The following CHL1 variants were observed in gnomAD, a reference collection of about 807,000 sequenced individuals.
The protein encoded by CHL1 is cell adhesion molecule L1 like.
Under a neutral mutation model 141.9 loss-of-function variants are expected in CHL1, and 96 were observed. The observed-to-expected ratio is 0.68, with a 90% confidence interval of 0.57 to 0.80. The LOEUF is 0.80. Among genes scored for constraint, CHL1 ranks in the 30% least tolerant of loss-of-function variants. The pLI, the probability that CHL1 is intolerant of heterozygous loss-of-function variation, is 0.00. For synonymous variants in CHL1, 613 were observed against 502.2 expected (o/e 1.22, Z -2.95); for missense variants, 1,820 against 1,457.2 (o/e 1.25, Z -4.05).
chr3:207,873 G>C (rs1699575245), intron 1 of CHL1, among the ~76,000 whole-genome samples: 2 of 152,198 alleles, frequency 1.3e-5, no homozygotes, highest in South Asian at 4.1e-4. Flanking sequence ...GAACACAATT[G>C]ATTTGCTTGA....
chr3:286,928 G>A (rs1697210363), intron 2 of CHL1, among the ~76,000 whole-genome samples: 1 of 152,096 alleles, frequency 6.6e-6, no homozygotes, highest in Non-Finnish European at 1.5e-5. Flanking sequence ...ACCACCAGAG[G>A]TCACTTTCAT....
At chr3:218,614 GTTC>G (rs1409341958) in intron 1 of CHL1, among the ~76,000 whole-genome samples, 1 of 152,126 alleles carries the variant, frequency 6.6e-6, no homozygotes, top group Non-Finnish European at 1.5e-5. Flanking sequence ...TGCTAAATGT[GTTC>G]TTCTTCTATA....
chr3:377,969 T>C (rs960937550), intron 16 of CHL1, 27 bp downstream of exon 16: 1 of 1,574,558 alleles, frequency 6.4e-7, no homozygotes, highest in Non-Finnish European at 8.6e-7. Context: ...ATGAGAAATC[T>C]GTTCATTTCT....
intron 22 of CHL1, 66 bp from the exon 23 acceptor site, chr3:391,604 TTATAA>T (rs2125447122): frequency 9.6e-7 from 1 of 1,038,222 alleles, no homozygotes; most frequent in South Asian, 1.5e-5. Context: ...TCTATAAAAT[TTATAA>T]TATAATAAGG....
In CHL1 at chr3:359,750, A is replaced by G. The variant is rs753614226; in HGVS notation, c.1166-534A>G. Among the ~76,000 whole-genome samples, 76 of 152,308 alleles carry G rather than the reference A, an allele frequency of 5.0e-4. 1 individual carries two copies. The highest frequency in any genetic ancestry group is 5.3e-4 in the Non-Finnish European group (36 of 68,020). Reference sequence around the variant, plus strand: ...TCCTGGGAAAATGAAATATACAAGCAATGTACATGAAGTGGTTAAATAGTG... The same window carrying G: ...TCCTGGGAAAATGAAATATACAAGCGATGTACATGAAGTGGTTAAATAGTG... On this transcript the variant is annotated intron_variant, in intron 11 of 27. Coordinates refer to ENST00000256509, the MANE Select transcript of CHL1 (RefSeq NM_006614.4).
At chr3:398,183 TCCATGA>T in intron 24 of CHL1, 38 bp from the exon 25 acceptor site, 1 of 1,338,868 alleles carries the variant, frequency 7.5e-7, no homozygotes, top group Non-Finnish European at 1.0e-6. Context: ...GTCCTGTTTT[TCCATGA>T]TTACAATTCA....
At chr3:317,453 C>T (rs534478348) in intron 2 of CHL1, among the ~76,000 whole-genome samples, 1 of 151,714 alleles carries the variant, frequency 6.6e-6, no homozygotes, top group Non-Finnish European at 1.5e-5. Flanking sequence ...TCTGGAAATA[C>T]GATCTCCTAG....
In CHL1 at chr3:377,947, G is replaced by A; in HGVS notation, c.1876+5G>A. 6.3e-7 allele frequency: 1 copy of A among 1,596,432 alleles called. No individual in the cohort carries two copies. The highest frequency in any genetic ancestry group is 8.5e-7 in the Non-Finnish European group (1 of 1,174,226). ...TAACTCAAGTAACTGTTCTTGGTAA[G>A]TGCACTAACTAATGAGAAATCTGTT... On this transcript the variant is annotated splice_donor_5th_base_variant and intron_variant, in intron 16 of 27. Coordinates refer to ENST00000256509, the MANE Select transcript of CHL1 (RefSeq NM_006614.4).
intron 5 of CHL1, among the ~76,000 whole-genome samples, chr3:339,939 G>C (rs17586728): frequency 0.077 from 11,778 of 152,176 alleles, 651 homozygotes; most frequent in Non-Finnish European, 0.12. Context: ...CTCCACAAGA[G>C]ACTGTGTAAT....
chr3:314,016 C>G (rs1699958231), intron 2 of CHL1, among the ~76,000 whole-genome samples: 1 of 152,116 alleles, frequency 6.6e-6, no homozygotes, highest in South Asian at 2.1e-4. Flanking sequence ...AGAAACCCCA[C>G]ATTTTCTCAT....
At chr3:366,564 A>G (rs1013738191) in intron 15 of CHL1, among the ~76,000 whole-genome samples, 14 of 151,720 alleles carry the variant, frequency 9.2e-5, no homozygotes, top group Admixed American at 4.6e-4. Flanking sequence ...CTCTGCTATC[A>G]TATGTTTATC....
rs1696177078 is a variant in CHL1 at position 276,890 on chromosome 3, T to TG, written c.-95+32198_-95+32199insG. Among the ~76,000 whole-genome samples the TG allele has an allele frequency of 2.5e-4, 16 of 64,440 alleles. No homozygotes were observed. The South Asian group carries it at 0.011, about 45-fold the overall frequency. 42.3% of individuals were successfully genotyped at this position (64,440 alleles called of 152,430 possible). On this transcript the variant is annotated intron_variant, in intron 2 of 27. Coordinates refer to ENST00000256509, the MANE Select transcript of CHL1 (RefSeq NM_006614.4). ...GGTGAAAGAGGAAGACTCCGTCTCCTAAAAAAAAAAAAAAAAAAAAAAAAA... is the reference window on the plus strand; with the variant it reads ...GGTGAAAGAGGAAGACTCCGTCTCCTGAAAAAAAAAAAAAAAAAAAAAAAAA...
chr3:197,794 G>C, intron 1 of CHL1: 1 of 456,292 alleles, frequency 2.2e-6, no homozygotes, highest in Non-Finnish European at 4.4e-6. Context: ...CATGGCTCCT[G>C]GTAGCGGAGC....
intron 2 of CHL1, among the ~76,000 whole-genome samples, chr3:290,197 T>C (rs1004263388): frequency 2.0e-5 from 3 of 152,056 alleles, no homozygotes; most frequent in East Asian, 1.9e-4. Context: ...AAGAACTAAA[T>C]AGACCATGAA....
chr3:275,774 T>G (rs1696039330), intron 2 of CHL1, among the ~76,000 whole-genome samples: 1 of 152,166 alleles, frequency 6.6e-6, no homozygotes, highest in South Asian at 2.1e-4. Flanking sequence ...TATTACTGTG[T>G]TCTAAAGAAT....
At chr3:324,445 T>A (rs368230458) in intron 3 of CHL1, among the ~76,000 whole-genome samples, 1 of 152,152 alleles carries the variant, frequency 6.6e-6, no homozygotes, top group Admixed American at 6.6e-5. Context: ...AAATATTGAG[T>A]GCTCATCAGC....
intron 11 of CHL1, 33 bp downstream of exon 11, chr3:354,804 G>GAA: frequency 6.2e-7 from 1 of 1,610,674 alleles, no homozygotes; most frequent in Non-Finnish European, 8.5e-7. Flanking sequence ...ATGCAATGCT[G>GAA]AAGGCCCTGG....
intron 15 of CHL1, among the ~76,000 whole-genome samples, chr3:367,787 C>G (rs879941014): frequency 1.3e-5 from 2 of 152,144 alleles, no homozygotes; most frequent in Non-Finnish European, 2.9e-5. Context: ...AGTTCCCTCC[C>G]CTTGCCCTCC....
At chr3:252,812 T>C (rs1434253722) in intron 2 of CHL1, among the ~76,000 whole-genome samples, 3 of 152,146 alleles carry the variant, frequency 2.0e-5, no homozygotes, top group African/African-American at 7.2e-5. Flanking sequence ...TTTCTTATAA[T>C]ATTTCCCATT....
Sources: gnomAD v4.1 joint callset for allele counts (sites outside exome capture counted in the v4.1 genomes callset) on GRCh38, gnomAD v4.1.1 for gene constraint, MANE v1.5 for transcripts, NCBI Gene and HGNC (gene_info 2026-07-23, HGNC 2026-07-21) for gene names.